VCPKMT: variants seen among roughly 807,000 people sequenced by gnomAD.
VCPKMT encodes the protein valosin containing protein lysine methyltransferase.
Under a neutral mutation model 28.6 loss-of-function variants are expected in VCPKMT, and 32 were observed. The observed-to-expected ratio is 1.12, with a 90% CI of 0.84 to 1.50. VCPKMT has a LOEUF of 1.50. Among genes scored for constraint, VCPKMT ranks in the 40% most tolerant of loss-of-function variants. The pLI is 0.00. For missense variants in VCPKMT, 366 were observed against 285.0 expected, an observed-to-expected ratio of 1.28 and a Z score of -2.05; for synonymous variants, 138 against 111.4, an observed-to-expected ratio of 1.24 and a Z score of -1.50.
chr14:50,110,971 T>C (rs1342107062), intron 5 of VCPKMT: 1 of 171,818 alleles, frequency 5.8e-6, no homozygotes, highest in Non-Finnish European at 1.2e-5. Flanking sequence ...TAGAGATTAG[T>C]GGCTGCCAGC....
downstream of VCPKMT, among the ~76,000 whole-genome samples, chr14:50,106,031 G>T (rs530428024): frequency 1.3e-5 from 2 of 152,060 alleles, no homozygotes; most frequent in African/African-American, 4.8e-5. Context: ...CAGATGGTTT[G>T]CTTTTTATAT....
At position 50,116,137 on chromosome 14, in the gene VCPKMT, C is replaced by T; in HGVS notation, c.309G>A (p.Leu103=). The T allele has an allele frequency of 6.2e-7, 1 of 1,614,132 alleles. No individual in the cohort carries two copies. Among genetic ancestry groups the T allele is most frequent in the Non-Finnish European group, 8.5e-7 (1 of 1,180,024 alleles). Residue 103 remains leucine, a synonymous_variant, in exon 2 of 6, where the codon TTG becomes TTA. Coordinates refer to ENST00000395860, the MANE Select transcript of VCPKMT (RefSeq NM_024558.3). Reference sequence around the variant, plus strand: ...TGTTCATATTAATATTCATCTTCAGCAAGTCTTGCAATTCCTCAAGATCGG... The same window carrying T: ...TGTTCATATTAATATTCATCTTCAGTAAGTCTTGCAATTCCTCAAGATCGG... ...VVTDLEELQD[L]LKMNINMNKH...
chr14:50,115,718 C>T, intron 3 of VCPKMT, 121 bp downstream of exon 3: 1 of 1,130,048 alleles, frequency 8.8e-7, no homozygotes, highest in Non-Finnish European at 1.3e-6. Flanking sequence ...CTCTTTACTG[C>T]ATCAACTATA....
chr14:50,106,365 C>A (rs1261923486), downstream of VCPKMT, among the ~76,000 whole-genome samples: 1 of 152,216 alleles, frequency 6.6e-6, no homozygotes, highest in African/African-American at 2.4e-5. Flanking sequence ...CACTTGCCCA[C>A]AGGCCAAGGC....
At position 50,109,489 on chromosome 14, in the gene VCPKMT, G is replaced by C; in HGVS notation, c.*210C>G. The C allele has an allele frequency of 1.2e-5, 16 of 1,293,336 alleles. No homozygotes were observed. Among genetic ancestry groups the C allele is most frequent in the Non-Finnish European group, 1.6e-5 (16 of 1,023,626 alleles). 80.1% of individuals were successfully genotyped at this position (1,293,336 alleles called of 1,614,324 possible). A position where few individuals can be genotyped will look rare whatever the true frequency, so the allele number is the denominator to read the frequency against. On this transcript the variant is annotated 3_prime_UTR_variant, in exon 6 of 6. Coordinates refer to ENST00000395860, the MANE Select transcript of VCPKMT (RefSeq NM_024558.3). ...ATGCTGAACTAAGTAACCTAAGCTGGATTCAGGGCCATTGGCAGGCAGGCA... is the reference window on the plus strand; with the variant it reads ...ATGCTGAACTAAGTAACCTAAGCTGCATTCAGGGCCATTGGCAGGCAGGCA...
rs560243932 is a variant in VCPKMT, at chr14:50,111,595, A to G, written c.675+1020T>C. The G allele has an allele frequency of 1.4e-5, 14 of 985,412 alleles. No individual in the cohort carries two copies. In the African/African-American group the frequency reaches 2.4e-4, roughly 17 times the overall value. The allele number at this position is 985,412 out of a possible 1,614,324, so 61.0% of individuals were successfully genotyped here. On this transcript the variant is annotated intron_variant, in intron 5 of 5. Transcript: ENST00000395860. ...TGCTGGAAATACAAAAATAGATGAA[A>G]GGCCAGGCGCAGCAGCTCACACCTG...
chr14:50,114,136 T>C, intron 4 of VCPKMT, 149 bp downstream of exon 4: 6 of 679,898 alleles, frequency 8.8e-6, no homozygotes, highest in Non-Finnish European at 1.3e-5. Context: ...GGGAGCTTCG[T>C]AGAATCATGG....
chr14:50,112,663 C>G lies in VCPKMT; in HGVS notation c.627G>C (p.Glu209Asp). The change falls in exon 5 of 6, where the codon GAG (glutamate) becomes GAC (aspartate). Residue 209 changes from glutamate (E) to aspartate (D), a missense_variant. Physicochemically the swap from Glu to Asp is conservative, Grantham distance 45. Transcript: ENST00000395860. ...TAATATGAATATCTTCACTTCGATA[C>G]TCTTCATCATGTTTTTCCAAAGGAA... ...EKIPLEKHDE[E>D]YRSEDIHIIY... The G allele has an allele frequency of 1.3e-6, 2 of 1,575,954 alleles. No homozygotes were observed. The highest frequency in any genetic ancestry group is 2.3e-5 in the South Asian group (2 of 86,666).
rs1334614074 is a variant in VCPKMT, at chr14:50,108,745, A to G, written c.*954T>C. 1 of 985,748 alleles carries G rather than the reference A, an allele frequency of 1.0e-6. No homozygotes were observed. The highest frequency in any genetic ancestry group is 1.2e-6 in the Non-Finnish European group (1 of 829,944). 61.1% of individuals were successfully genotyped at this position (985,748 alleles called of 1,614,324 possible). ...TACTCTTTGGAACAAGTATGATTAA[A>G]GTCCTTGACAGATTATTGTATATGA... On this transcript the variant is annotated 3_prime_UTR_variant, in exon 6 of 6. Coordinates refer to ENST00000395860, the MANE Select transcript of VCPKMT (RefSeq NM_024558.3).
intron 5 of VCPKMT, among the ~76,000 whole-genome samples, chr14:50,110,138 T>G (rs1882540879): frequency 6.6e-6 from 1 of 152,046 alleles, no homozygotes; most frequent in African/African-American, 2.4e-5. Flanking sequence ...TCCTAGCTAC[T>G]TGGGAGGCTC....
intron 3 of VCPKMT, among the ~76,000 whole-genome samples, chr14:50,114,810 A>G (rs1882987370): frequency 6.6e-6 from 1 of 152,220 alleles, no homozygotes; most frequent in Non-Finnish European, 1.5e-5. Flanking sequence ...TGATCACTCC[A>G]CTGCACTACA....
At chr14:50,115,349 G>A (rs1173937471) in intron 3 of VCPKMT, among the ~76,000 whole-genome samples, 1 of 152,016 alleles carries the variant, frequency 6.6e-6, no homozygotes, top group Non-Finnish European at 1.5e-5. Flanking sequence ...ACAGGGTTTT[G>A]CCATGTAGGT....
chr14:50,116,131 C>T lies in VCPKMT; in HGVS notation c.315G>A (p.Lys105=). The T allele has an allele frequency of 6.2e-7, 1 of 1,614,136 alleles. No homozygotes were observed. The highest frequency in any genetic ancestry group is 8.5e-7 in the Non-Finnish European group (1 of 1,180,028). ...TDLEELQDLL[K]MNINMNKHLV... ...GATGCTTGTTCATATTAATATTCAT[C>T]TTCAGCAAGTCTTGCAATTCCTCAA... Residue 105 remains lysine (K), a synonymous_variant, in exon 2 of 6, where the codon AAG becomes AAA. Coordinates refer to ENST00000395860, the MANE Select transcript of VCPKMT (RefSeq NM_024558.3).
chr14:50,110,449 A>C (rs1033681129), intron 5 of VCPKMT, among the ~76,000 whole-genome samples: 1 of 152,202 alleles, frequency 6.6e-6, no homozygotes, highest in Non-Finnish European at 1.5e-5. Flanking sequence ...CATTTCTTCT[A>C]AATACAGAAA....
At chr14:50,115,505 G>A (rs1352154117) in intron 3 of VCPKMT, among the ~76,000 whole-genome samples, 1 of 152,300 alleles carries the variant, frequency 6.6e-6, no homozygotes, top group Middle Eastern at 3.4e-3. Flanking sequence ...AATTCTCAAT[G>A]TCATGGTTAA....
chr14:50,109,675 C>G lies in VCPKMT; in HGVS notation c.*24G>C, dbSNP rs199901722. ...CTTTAGTTTACCCAGGTTGTTAGAGCCTTGGGTAAGATGATTAAAGGCTTC... is the reference window on the plus strand; with the variant it reads ...CTTTAGTTTACCCAGGTTGTTAGAGGCTTGGGTAAGATGATTAAAGGCTTC... On this transcript the variant is annotated 3_prime_UTR_variant, in exon 6 of 6. Transcript: ENST00000395860. 3 of 1,597,460 alleles carry G rather than the reference C, an allele frequency of 1.9e-6. No individual in the cohort carries two copies. In the Admixed American group the frequency reaches 5.2e-5, roughly 28 times the overall value.
chr14:50,104,168 T>C (rs1427841716), downstream of VCPKMT, among the ~76,000 whole-genome samples: 1 of 152,224 alleles, frequency 6.6e-6, no homozygotes, highest in Admixed American at 6.5e-5. Context: ...GAGCAAAATA[T>C]TATCATGGAG....
intron 5 of VCPKMT, chr14:50,111,189 A>T (rs893291142): frequency 1.0e-6 from 1 of 983,128 alleles, no homozygotes; most frequent in Non-Finnish European, 1.2e-6. Flanking sequence ...GGCCGAAAAA[A>T]AAAAAAAAGC....
rs773199731 is a variant in VCPKMT, at chr14:50,114,377, T to A, written c.478A>T (p.Lys160Ter). Residue 160 changes from lysine (K) to a stop codon, truncating the protein, a stop_gained, in exon 4 of 6, where the codon AAA becomes TAA. Coordinates refer to ENST00000395860, the MANE Select transcript of VCPKMT (RefSeq NM_024558.3). LOFTEE classifies it high-confidence loss of function. Reference sequence around the variant, plus strand: ...CAAGTTTCAAATCCGCTGATATCTTTTAGAGTTTTCAGCAATGGCTCCAAA... The same window carrying A: ...CAAGTTTCAAATCCGCTGATATCTTATAGAGTTTTCAGCAATGGCTCCAAA... ...ESLEPLLKTLKDISGFETCII... is the reference protein window; with the variant it reads ...ESLEPLLKTL The A allele has an allele frequency of 1.9e-6, 3 of 1,569,458 alleles. No individual in the cohort carries two copies. The highest frequency in any genetic ancestry group is 2.6e-6 in the Non-Finnish European group (3 of 1,161,424).
Sources: gnomAD v4.1 joint callset for allele counts (sites outside exome capture counted in the v4.1 genomes callset) on GRCh38, gnomAD v4.1.1 for gene constraint, MANE v1.5 for transcripts, NCBI Gene and HGNC (gene_info 2026-07-23, HGNC 2026-07-21) for gene names.